DNAH5: variants seen among roughly 807,000 people sequenced by gnomAD.
DNAH5 encodes dynein axonemal heavy chain 5.
DNAH5 carries 372 observed loss-of-function variants against 518.2 expected under a neutral mutation model. That is an observed-to-expected ratio of 0.72 (90% CI 0.66 to 0.78). The LOEUF (loss-of-function observed/expected upper bound fraction) is 0.78, where lower values mean the gene tolerates loss of function less well. Ranked by LOEUF, DNAH5 falls within the 30% of genes least tolerant of loss-of-function variation. The probability of loss-of-function intolerance (pLI) is 0.00; values close to 1 mark genes in which losing one functional copy is unlikely to be tolerated. For synonymous variants in DNAH5, 2,039 were observed against 2,025.9 expected (o/e 1.01, Z -0.17); for missense variants, 5,523 against 5,687.0 (o/e 0.97, Z 0.93).
chr5:13,876,367 A>C (rs1770884995), intron 22 of DNAH5, among the ~76,000 whole-genome samples: 1 of 152,256 alleles, frequency 6.6e-6, no homozygotes, highest in Admixed American at 6.5e-5. Context: ...GGTTCTTTGA[A>C]GGTGAATTAT....
At chr5:13,693,038 C>T (rs975340074) in intron 78 of DNAH5, among the ~76,000 whole-genome samples, 12 of 152,156 alleles carry the variant, frequency 7.9e-5, no homozygotes, top group Admixed American at 7.9e-4. Context: ...ACCCACTCTG[C>T]CCACAGTAGT....
intron 49 of DNAH5, among the ~76,000 whole-genome samples, chr5:13,793,085 C>T (rs929227222): frequency 3.3e-5 from 5 of 152,126 alleles, no homozygotes; most frequent in African/African-American, 7.2e-5. Context: ...GTCCAATCTG[C>T]GCTCTGGGTG....
rs76316146 is a variant in DNAH5, at chr5:13,859,794, T to C, written c.4797-189A>G. 0.012 allele frequency among the ~76,000 whole-genome samples: 1,813 copies of C among 152,296 alleles called. 31 individuals are homozygous for C. The highest frequency in any genetic ancestry group is 0.036 in the African/African-American group (1,495 of 41,560). Reference sequence around the variant, plus strand: ...TTACTGTTCATTGTTAGTCTAGCTTTTTCCCTTTTGATCCAGAGCATAGAG... The same window carrying C: ...TTACTGTTCATTGTTAGTCTAGCTTCTTCCCTTTTGATCCAGAGCATAGAG... On this transcript the variant is annotated intron_variant, in intron 29 of 78. Transcript: ENST00000265104.
At position 13,891,042 on chromosome 5, in the gene DNAH5, G is replaced by C; in HGVS notation, c.2511C>G (p.Ser837Arg). The change falls in exon 17 of 79, where the codon AGC becomes AGG. Residue 837 changes from serine to arginine, a missense_variant. Ser to Arg is a moderately radical substitution (Grantham distance 110). Around this residue, in one of 3 missense-constraint regions of DNAH5, gnomAD observed 5,121 missense variants for 5,223.3 expected, o/e 0.98. Transcript: ENST00000265104. Reference protein sequence around the residue: ...RIDAILEEMSSTPLCQLPQEE... With the variant: ...RIDAILEEMSRTPLCQLPQEE... Reference sequence around the variant, plus strand: ...CCTGGGGAAGCTGACAAAGAGGCGTGCTGCTCATTTCTTCTAGAATGGCAT... The same window carrying C: ...CCTGGGGAAGCTGACAAAGAGGCGTCCTGCTCATTTCTTCTAGAATGGCAT... 6.2e-7 allele frequency: 1 copy of C among 1,614,114 alleles called. No individual in the cohort carries two copies. The highest frequency in any genetic ancestry group is 8.5e-7 in the Non-Finnish European group (1 of 1,180,010).
At chr5:13,819,639 A>G (rs1408108762) in intron 41 of DNAH5, among the ~76,000 whole-genome samples, 1 of 152,100 alleles carries the variant, frequency 6.6e-6, no homozygotes, top group Non-Finnish European at 1.5e-5. Context: ...TGTCTACAGG[A>G]TGCCAATATT....
rs201477878 is a variant in DNAH5 at position 13,850,793 on chromosome 5, A to G, written c.4973T>C (p.Ile1658Thr). 3.7e-6 allele frequency: 6 copies of G among 1,614,204 alleles called. No homozygotes were observed. In the African/African-American group the frequency reaches 5.3e-5, roughly 14 times the overall value. ...LPKEAKRFSNIDKSWVKIMTR... is the reference protein window; with the variant it reads ...LPKEAKRFSNTDKSWVKIMTR... ...CATGATCTTCACCCAAGATTTATCTATGTTAGAAAACCGCTTGGCTTCCTA... is the reference window on the plus strand; with the variant it reads ...CATGATCTTCACCCAAGATTTATCTGTGTTAGAAAACCGCTTGGCTTCCTA... Residue 1658 changes from isoleucine to threonine, a missense_variant, in exon 31 of 79, where the codon ATA becomes ACA. Coordinates refer to ENST00000265104, the MANE Select transcript of DNAH5 (RefSeq NM_001369.3).
At chr5:13,941,043 G>C (rs532185466) in intron 1 of DNAH5, among the ~76,000 whole-genome samples, 1 of 138,408 alleles carries the variant, frequency 7.2e-6, no homozygotes, top group Non-Finnish European at 1.6e-5. Context: ...GTTCAGGCTA[G>C]AGAGTGCTCA....
intron 12 of DNAH5, among the ~76,000 whole-genome samples, chr5:13,907,436 C>T (rs77855588): frequency 6.6e-6 from 1 of 151,804 alleles, no homozygotes; most frequent in East Asian, 1.9e-4. Context: ...CCCCCCGCCA[C>T]CCCCCAAAAA....
intron 47 of DNAH5, 119 bp downstream of exon 47, chr5:13,807,472 T>C: frequency 1.1e-6 from 1 of 925,722 alleles, no homozygotes; most frequent in Non-Finnish European, 1.7e-6. Flanking sequence ...CGTACGTGGG[T>C]GATTTATCAT....
At chr5:13,867,485 G>A (rs1823043) in intron 25 of DNAH5, among the ~76,000 whole-genome samples, 4 of 151,786 alleles carry the variant, frequency 2.6e-5, no homozygotes, top group East Asian at 1.9e-4. Flanking sequence ...TGTAAGTTTC[G>A]TGAGGCCTCC....
chr5:13,877,531 A>C (rs1771062983), intron 21 of DNAH5, among the ~76,000 whole-genome samples: 1 of 152,226 alleles, frequency 6.6e-6, no homozygotes, highest in Non-Finnish European at 1.5e-5. Flanking sequence ...GGACACACCC[A>C]ATACACATCT....
intron 43 of DNAH5, among the ~76,000 whole-genome samples, chr5:13,812,072 G>A (rs377614907): frequency 3.3e-5 from 5 of 152,288 alleles, no homozygotes; most frequent in East Asian, 3.9e-4. Context: ...CCCAGGAAGT[G>A]TAGGTAGCCT....
At chr5:13,911,328 T>C (rs1392139655) in intron 12 of DNAH5, 58 bp downstream of exon 12, 29 of 1,375,508 alleles carry the variant, frequency 2.1e-5, no homozygotes, top group Non-Finnish European at 2.8e-5. Context: ...AACGGCATTA[T>C]ACAGAAAGGA....
chr5:13,759,682 C>G (rs1002491355), intron 60 of DNAH5, among the ~76,000 whole-genome samples: 2 of 152,082 alleles, frequency 1.3e-5, no homozygotes, highest in African/African-American at 4.8e-5. Context: ...AAGATAGAAT[C>G]AAAAGACTTA....
At chr5:13,854,768 A>G (rs1280110434) in intron 30 of DNAH5, among the ~76,000 whole-genome samples, 1 of 152,210 alleles carries the variant, frequency 6.6e-6, no homozygotes, top group Non-Finnish European at 1.5e-5. Flanking sequence ...AAAAAAGACA[A>G]AGAAGGGTAT....
At chr5:13,819,362 T>G (rs2151811905) in intron 41 of DNAH5, among the ~76,000 whole-genome samples, 1 of 152,272 alleles carries the variant, frequency 6.6e-6, no homozygotes, top group East Asian at 1.9e-4. Context: ...AGAGTCCTGA[T>G]AGACAGAATT....
rs767246326 is a variant in DNAH5 at position 13,885,104 on chromosome 5, G to A, written c.2868C>T (p.Arg956=). Residue 956 remains arginine (R), a synonymous_variant, in exon 19 of 79, where the codon CGC becomes CGT. Transcript: ENST00000265104. ...KETEMLGEEA[R]ELLSHFNHQN... ...GATGGTTGAAATGAGAGAGTAACTC[G>A]CGGGCTTCTTCCCCTAACATCTCAG... 5.5e-5 allele frequency: 88 copies of A among 1,614,104 alleles called. No homozygotes were observed. Among genetic ancestry groups the A allele is most frequent in the East Asian group, 1.1e-4 (5 of 44,886 alleles).
intron 68 of DNAH5, among the ~76,000 whole-genome samples, chr5:13,730,429 A>ATTCTTTCT (rs147879913): frequency 4.0e-4 from 61 of 151,024 alleles, no homozygotes; most frequent in African/African-American, 9.5e-4. Flanking sequence ...TCTATGCATT[A>ATTCTTTCT]TTCTTTCTTT....
At chr5:13,730,236 T>C (rs1746297524) in intron 68 of DNAH5, among the ~76,000 whole-genome samples, 1 of 152,232 alleles carries the variant, frequency 6.6e-6, no homozygotes, top group Admixed American at 6.5e-5. Flanking sequence ...CACGTAACTC[T>C]GACAGCAATG....
Sources: allele counts gnomAD v4.1 joint callset (sites outside exome capture counted in the v4.1 genomes callset), GRCh38; gene constraint gnomAD v4.1.1; regional missense constraint gnomAD v4.1.1; transcripts MANE v1.5; gene names NCBI Gene and HGNC (gene_info 2026-07-23, HGNC 2026-07-21).